Variants in PCDHGB2 observed in about 807,000 individuals in gnomAD.
PCDHGB2 encodes protocadherin gamma subfamily B, 2.
A neutral mutation model predicts 59.3 loss-of-function variants in PCDHGB2; 55 were observed. That is an observed-to-expected ratio of 0.93 (90% CI 0.75 to 1.16). The LOEUF (loss-of-function observed/expected upper bound fraction) is 1.16. Among genes scored for constraint, PCDHGB2 ranks in the 50% most tolerant of loss-of-function variants. The probability of loss-of-function intolerance (pLI) is 0.00; values close to 1 mark genes in which losing one functional copy is unlikely to be tolerated. For missense variants in PCDHGB2, 1,228 were observed against 1,198.5 expected (o/e 1.02, Z -0.36); for synonymous variants, 516 against 512.0 (o/e 1.01, Z -0.11).
intron 2 of PCDHGB2, among the ~76,000 whole-genome samples, chr5:141,501,109 C>T (rs909874167): frequency 2.0e-5 from 3 of 152,106 alleles, no homozygotes; most frequent in South Asian, 2.1e-4. Context: ...CCTCGTGATC[C>T]GCCTGCCTCA....
intron 1 of PCDHGB2, chr5:141,378,509 C>T (rs60712207): frequency 0.33 from 49,377 of 151,848 alleles, 8,313 homozygotes; most frequent in Admixed American, 0.44. Flanking sequence ...GGTGACAGAG[C>T]GAGACTCTGT....
intron 1 of PCDHGB2, among the ~76,000 whole-genome samples, chr5:141,470,694 ATAATTT>A (rs2099236876): frequency 6.6e-6 from 1 of 151,978 alleles, no homozygotes; most frequent in African/African-American, 2.4e-5. Context: ...GAAATTCTTA[ATAATTT>A]TTATTTTATT....
chr5:141,392,855 C>T (rs756361613), intron 1 of PCDHGB2: 1 of 1,612,176 alleles, frequency 6.2e-7, no homozygotes, highest in Non-Finnish European at 8.5e-7. Flanking sequence ...GCGAGCTGAT[C>T]CTGCTGTGCG....
intron 1 of PCDHGB2, chr5:141,364,707 T>C: frequency 5.6e-6 from 9 of 1,613,986 alleles, no homozygotes; most frequent in Non-Finnish European, 7.6e-6. Flanking sequence ...ATAATCGATA[T>C]TAATGATAAC....
chr5:141,486,345 A>C lies in PCDHGB2; in HGVS notation c.2422-8462A>C. On this transcript the variant is annotated intron_variant, in intron 1 of 3. Coordinates refer to ENST00000522605, the MANE Select transcript of PCDHGB2 (RefSeq NM_018923.3). This position sits in a 1 kb window ranked among gnomAD's most constrained non-coding sequence, Gnocchi z 5.0. Reference sequence around the variant, plus strand: ...GGAGATGTGAGCCTCCGCATTCCTGACCACTTGCCATTTGCCCTCAAGTCT... The same window carrying C: ...GGAGATGTGAGCCTCCGCATTCCTGCCCACTTGCCATTTGCCCTCAAGTCT... The C allele has an allele frequency of 6.2e-7, 1 of 1,613,940 alleles. No homozygotes were observed. The highest frequency in any genetic ancestry group is 8.5e-7 in the Non-Finnish European group (1 of 1,179,986).
intron 1 of PCDHGB2, chr5:141,371,361 GAT>G: frequency 3.1e-6 from 5 of 1,613,976 alleles, no homozygotes; most frequent in Non-Finnish European, 4.2e-6. Flanking sequence ...GGAAGCAAAG[GAT>G]GGTGGACATC....
intron 1 of PCDHGB2, among the ~76,000 whole-genome samples, chr5:141,379,889 CTTTTTTTTTTTTTTTTTT>C (rs70988800): frequency 3.9e-5 from 2 of 50,830 alleles, no homozygotes; most frequent in African/African-American, 6.6e-5. Context: ...GTGAAAGCCT[CTTTTTTTTTTTTTTTTTT>C]TTTTTTTTTT....
chr5:141,409,279 T>C, intron 1 of PCDHGB2: 1 of 1,613,972 alleles, frequency 6.2e-7, no homozygotes, highest in Non-Finnish European at 8.5e-7. Context: ...TTTTGGAGAA[T>C]TCACCTCCAG....
At chr5:141,410,515 G>T in intron 1 of PCDHGB2, 1 of 1,613,946 alleles carries the variant, frequency 6.2e-7, no homozygotes, top group South Asian at 1.1e-5. Flanking sequence ...AATGCAGTGT[G>T]CCCCTACATT....
chr5:141,496,478 G>A lies in PCDHGB2; in HGVS notation c.2480+1613G>A, dbSNP rs150992994. 7.2e-3 allele frequency among the ~76,000 whole-genome samples: 1,093 copies of A among 152,228 alleles called. 19 individuals are homozygous for A. The highest frequency in any genetic ancestry group is 0.025 in the African/African-American group (1,039 of 41,518). ...CCAAGAGTTATCTTTCCCCCATCCT[G>A]CAACCAACCAAACCCTTGTTGCCAC... is the stretch of plus-strand genomic sequence containing the variant. On this transcript the variant is annotated intron_variant, in intron 2 of 3. Transcript: ENST00000522605.
At chr5:141,510,519 C>A (rs182721864) in intron 3 of PCDHGB2, among the ~76,000 whole-genome samples, 1 of 152,260 alleles carries the variant, frequency 6.6e-6, no homozygotes, top group East Asian at 1.9e-4. Context: ...CGTGTCACAG[C>A]CCTGAGAGAA....
chr5:141,486,879 G>A lies in PCDHGB2; in HGVS notation c.2422-7928G>A, dbSNP rs1371072899. 7 of 1,614,228 alleles carry A rather than the reference G, an allele frequency of 4.3e-6. No homozygotes were observed. Among genetic ancestry groups the A allele is most frequent in the Non-Finnish European group, 4.2e-6 (5 of 1,180,046 alleles). On this transcript the variant is annotated intron_variant, in intron 1 of 3. Coordinates refer to ENST00000522605, the MANE Select transcript of PCDHGB2 (RefSeq NM_018923.3). The surrounding 1 kb of genome is among the most constrained non-coding windows in gnomAD (Gnocchi z 5.0). Reference sequence around the variant, plus strand: ...AATGCTCCAGCTGTGCTCCGTCCTCGGGCCCGGCCTGGTTCCTTATGTCCC... The same window carrying A: ...AATGCTCCAGCTGTGCTCCGTCCTCAGGCCCGGCCTGGTTCCTTATGTCCC...
chr5:141,416,791 G>A (rs1389798483), intron 1 of PCDHGB2: 2 of 152,166 alleles, frequency 1.3e-5, no homozygotes, highest in South Asian at 2.1e-4. Context: ...TCTACTAAAT[G>A]TGGTAGTATA....
rs1437409726 is a variant in PCDHGB2, at chr5:141,471,036, C to T, written c.2422-23771C>T. Among the ~76,000 whole-genome samples the T allele has an allele frequency of 2.8e-5, 4 of 144,908 alleles. No homozygotes were observed. The South Asian group carries it at 6.5e-4, about 24-fold the overall frequency. ...CTGGTCAATCATTTTTATTAACAAG[C>T]CCAAGCCCTCTTTTTTTTTTTTTTT... On this transcript the variant is annotated intron_variant, in intron 1 of 3. Transcript: ENST00000522605.
At chr5:141,468,739 G>A (rs1167211344) in intron 1 of PCDHGB2, among the ~76,000 whole-genome samples, 5 of 152,000 alleles carry the variant, frequency 3.3e-5, no homozygotes, top group African/African-American at 1.2e-4. Context: ...GGTGGCGGGT[G>A]CCTGTAGTCC....
chr5:141,502,491 T>G lies in PCDHGB2; in HGVS notation c.2481-2902T>G, dbSNP rs557202239. Among the ~76,000 whole-genome samples, 1,415 of 152,344 alleles carry G rather than the reference T, an allele frequency of 9.3e-3. 29 individuals carry two copies. The highest frequency in any genetic ancestry group is 0.033 in the African/African-American group (1,352 of 41,578). ...TCCCGCAGCATCACACTGGGACTCA[T>G]CTAACGTCGGCCTGTCCCACTATCA... is the stretch of plus-strand genomic sequence containing the variant. On this transcript the variant is annotated intron_variant, in intron 2 of 3. Transcript: ENST00000522605.
intron 1 of PCDHGB2, chr5:141,392,442 A>C (rs1355396676): frequency 1.2e-5 from 2 of 161,844 alleles, no homozygotes; most frequent in East Asian, 3.6e-4. Context: ...TGTTTCTTTT[A>C]AAATATGGGT....
At chr5:141,398,864 T>A (rs1399067876) in intron 1 of PCDHGB2, 1 of 1,613,768 alleles carries the variant, frequency 6.2e-7, no homozygotes, top group Non-Finnish European at 8.5e-7. Context: ...AACCGAGACG[T>A]GTACAGAGTC....
At chr5:141,382,943 T>G in intron 1 of PCDHGB2, 2 of 1,596,184 alleles carry the variant, frequency 1.3e-6, no homozygotes, top group African/African-American at 1.3e-5. Flanking sequence ...GGATTCTTCC[T>G]GCTCTCCATC....
Sources: gnomAD v4.1 joint callset for allele counts (sites outside exome capture counted in the v4.1 genomes callset) on GRCh38, gnomAD v4.1.1 for gene constraint, Gnocchi (gnomAD v3.1) non-coding constraint, MANE v1.5 for transcripts, NCBI Gene and HGNC (gene_info 2026-07-23, HGNC 2026-07-21) for gene names.